The following TRNAU1AP variants were observed in gnomAD, a reference collection of about 807,000 sequenced individuals.
TRNAU1AP encodes the protein tRNA selenocysteine 1-associated protein 1.
TRNAU1AP carries 33 observed loss-of-function variants against 43.3 expected under a neutral mutation model. That is an observed-to-expected ratio of 0.76 (90% CI 0.58 to 1.02). The LOEUF (loss-of-function observed/expected upper bound fraction) is 1.02. Among genes scored for constraint, TRNAU1AP ranks in the 50% least tolerant of loss-of-function variants. TRNAU1AP has a pLI of 0.00. For synonymous variants in TRNAU1AP, 143 were observed against 129.1 expected (o/e 1.11, Z -0.73); for missense variants, 290 against 362.7 (o/e 0.80, Z 1.63).
At position 28,578,298 on chromosome 1, in the gene TRNAU1AP, G is replaced by A. The variant is rs1285106489; in HGVS notation, c.*662G>A. Reference sequence around the variant, plus strand: ...TTAAGGAAGATAGCTCAAAGCCAAAGCAGACCCTCCGTGTGAACTTTATAC... The same window carrying A: ...TTAAGGAAGATAGCTCAAAGCCAAAACAGACCCTCCGTGTGAACTTTATAC... On this transcript the variant is annotated 3_prime_UTR_variant, in exon 9 of 9. Coordinates refer to ENST00000373830, the MANE Select transcript of TRNAU1AP (RefSeq NM_017846.5). 2 of 164,682 alleles carry A rather than the reference G, an allele frequency of 1.2e-5. No individual in the cohort carries two copies. Among genetic ancestry groups the A allele is most frequent in the Admixed American group, 5.7e-5 (1 of 17,460 alleles). The allele number at this position is 164,682 out of a possible 1,614,324, so 10.2% of individuals were successfully genotyped here.
In TRNAU1AP at chr1:28,564,680, ATCT is replaced by A; in HGVS notation, c.279-18_279-16del. On this transcript the variant is annotated intron_variant, in intron 4 of 8. Coordinates refer to ENST00000373830, the MANE Select transcript of TRNAU1AP (RefSeq NM_017846.5). ...CAGAGGTTTTGGTCTTTGCCTCTGA[ATCT>A]TCTTGTTCTCTCTCCTCAGCCCTGA... 7 of 1,602,198 alleles carry A rather than the reference ATCT, an allele frequency of 4.4e-6. No individual in the cohort carries two copies. Among genetic ancestry groups the A allele is most frequent in the East Asian group, 4.5e-5 (2 of 44,526 alleles).
Position 28,570,926 on chromosome 1 carries a change from G to A in TRNAU1AP, c.531-250G>A, listed in dbSNP as rs548944865. 4.6e-5 allele frequency among the ~76,000 whole-genome samples: 7 copies of A among 152,062 alleles called. No homozygotes were observed. In the South Asian group the frequency reaches 6.2e-4, roughly 14 times the overall value. ...TGAAAATACAAAAAATTAGCCAGGC[G>A]TGGTGGCACACACCTGTAGTCCCAG... On this transcript the variant is annotated intron_variant, in intron 6 of 8. Transcript: ENST00000373830.
chr1:28,576,475 C>T (rs548674979), intron 8 of TRNAU1AP, among the ~76,000 whole-genome samples: 4 of 147,930 alleles, frequency 2.7e-5, no homozygotes, highest in Admixed American at 6.8e-5. Flanking sequence ...CCTGCCACCA[C>T]GCCCAGCTAA....
intron 2 of TRNAU1AP, among the ~76,000 whole-genome samples, chr1:28,557,938 C>A (rs1334731910): frequency 6.6e-6 from 1 of 150,936 alleles, no homozygotes; most frequent in Non-Finnish European, 1.5e-5. Flanking sequence ...CTCTGTCGCC[C>A]AGGCTGGAGT....
intron 5 of TRNAU1AP, 186 bp downstream of exon 5, chr1:28,565,020 T>G: frequency 1.5e-6 from 1 of 662,548 alleles, no homozygotes; most frequent in Non-Finnish European, 2.6e-6. Context: ...GAATTGAAGC[T>G]CTGTGACCCT....
chr1:28,556,055 A>G (rs564569175), intron 2 of TRNAU1AP, among the ~76,000 whole-genome samples: 5 of 152,100 alleles, frequency 3.3e-5, no homozygotes, highest in African/African-American at 1.2e-4. Flanking sequence ...GGGTTTCACC[A>G]TGTTAGCCAG....
intron 2 of TRNAU1AP, among the ~76,000 whole-genome samples, chr1:28,559,672 A>G (rs80185835): frequency 6.6e-6 from 1 of 152,104 alleles, no homozygotes; most frequent in African/African-American, 2.4e-5. Flanking sequence ...GAAAAAAAAA[A>G]CAGATCATAC....
Position 28,571,242 on chromosome 1 carries a change from G to C in TRNAU1AP, c.597G>C (p.Gln199His). 2 of 1,614,026 alleles carry C rather than the reference G, an allele frequency of 1.2e-6. No individual in the cohort carries two copies. The highest frequency in any genetic ancestry group is 8.5e-7 in the Non-Finnish European group (1 of 1,179,922). ...ATAGCTACAACCAGTATTATCAGCA[G>C]TACCAGAACTACTATGCTCAGTGGG... ...YSYSYNQYYQ[Q>H]YQNYYAQWGY... The change falls in exon 7 of 9, where the codon CAG becomes CAC. Residue 199 changes from glutamine to histidine, a missense_variant. By Grantham distance (24) the Gln-to-His change is conservative. Coordinates refer to ENST00000373830, the MANE Select transcript of TRNAU1AP (RefSeq NM_017846.5).
Position 28,577,896 on chromosome 1 carries a change from T to C in TRNAU1AP, c.*260T>C, listed in dbSNP as rs1471712363. On this transcript the variant is annotated 3_prime_UTR_variant, in exon 9 of 9. Transcript: ENST00000373830. ...CAGGTAGTTATCCACATAGGACAGT[T>C]TGGGATTATCCAAAACTGGGATGAG... The C allele has an allele frequency of 2.8e-6, 1 of 354,128 alleles. No homozygotes were observed. The highest frequency in any genetic ancestry group is 5.2e-6 in the Non-Finnish European group (1 of 193,820). The allele number at this position is 354,128 out of a possible 1,614,324, so 21.9% of individuals were successfully genotyped here. A position where few individuals can be genotyped will look rare whatever the true frequency, so the allele number is the denominator to read the frequency against.
At chr1:28,559,458 A>G (rs1665355970) in intron 2 of TRNAU1AP, among the ~76,000 whole-genome samples, 1 of 151,960 alleles carries the variant, frequency 6.6e-6, no homozygotes, top group African/African-American at 2.4e-5. Context: ...GAGAAACCCC[A>G]TCTCTACTGA....
intron 6 of TRNAU1AP, among the ~76,000 whole-genome samples, chr1:28,567,886 G>A (rs991333840): frequency 2.0e-5 from 3 of 152,156 alleles, no homozygotes; most frequent in South Asian, 2.1e-4. Flanking sequence ...ACACTTGGCC[G>A]GGCGCAGTGG....
intron 8 of TRNAU1AP, among the ~76,000 whole-genome samples, chr1:28,575,410 C>T (rs2124220133): frequency 6.6e-6 from 1 of 151,780 alleles, no homozygotes; most frequent in African/African-American, 2.4e-5. Context: ...GCCTCTGCCT[C>T]CCAATGCTGG....
chr1:28,564,840 G>A lies in TRNAU1AP; in HGVS notation c.410+6G>A. The A allele has an allele frequency of 1.9e-6, 3 of 1,613,934 alleles. No homozygotes were observed. Among genetic ancestry groups the A allele is most frequent in the East Asian group, 2.2e-5 (1 of 44,866 alleles). ...GACCAGACAGGCGTGTCTAAGTAAG[G>A]CCTTACTTGTTACTGATGCTTAACT... On this transcript the variant is annotated splice_donor_region_variant and intron_variant, in intron 5 of 8. Transcript: ENST00000373830.
intron 1 of TRNAU1AP, 55 bp downstream of exon 1, chr1:28,553,192 G>T: frequency 6.9e-7 from 1 of 1,445,998 alleles, no homozygotes; most frequent in East Asian, 2.8e-5. Context: ...TCGGTTTCGC[G>T]AGAGAGGAAG....
intron 2 of TRNAU1AP, among the ~76,000 whole-genome samples, chr1:28,559,747 G>A (rs1217781534): frequency 6.6e-6 from 1 of 152,130 alleles, no homozygotes; most frequent in African/African-American, 2.4e-5. Flanking sequence ...TCCTGGAACT[G>A]GTTATTAGAT....
chr1:28,571,718 T>G (rs2124213166), intron 7 of TRNAU1AP, 149 bp from the exon 8 acceptor site: 1 of 606,500 alleles, frequency 1.6e-6, no homozygotes, highest in Non-Finnish European at 2.9e-6. Flanking sequence ...GGGATGCGGG[T>G]GTTGCAGTGA....
rs1165975961 is a variant in TRNAU1AP, at chr1:28,561,415, G to T, written c.278+17G>T. 7.4e-6 allele frequency: 12 copies of T among 1,613,814 alleles called. No individual in the cohort carries two copies. Among genetic ancestry groups the T allele is most frequent in the Non-Finnish European group, 1.0e-5 (12 of 1,179,864 alleles). ...AGATAACAGGTAGGTACAAAGTCAT[G>T]TCTAGACAGACATAAGATGTGTCAC... On this transcript the variant is annotated intron_variant, in intron 4 of 8. Coordinates refer to ENST00000373830, the MANE Select transcript of TRNAU1AP (RefSeq NM_017846.5).
rs1665856560 is a variant in TRNAU1AP at position 28,578,292 on chromosome 1, G to A, written c.*656G>A. 6.1e-6 allele frequency: 1 copy of A among 164,622 alleles called. No individual in the cohort carries two copies. Among genetic ancestry groups the A allele is most frequent in the Admixed American group, 5.7e-5 (1 of 17,426 alleles). The allele number at this position is 164,622 out of a possible 1,614,324, so 10.2% of individuals were successfully genotyped here. ...AAAGGATTAAGGAAGATAGCTCAAAGCCAAAGCAGACCCTCCGTGTGAACT... is the reference window on the plus strand; with the variant it reads ...AAAGGATTAAGGAAGATAGCTCAAAACCAAAGCAGACCCTCCGTGTGAACT... On this transcript the variant is annotated 3_prime_UTR_variant, in exon 9 of 9. Transcript: ENST00000373830.
In TRNAU1AP at chr1:28,560,627, T is replaced by C; in HGVS notation, c.126-6T>C. 6.2e-7 allele frequency: 1 copy of C among 1,613,062 alleles called. No homozygotes were observed. Among genetic ancestry groups the C allele is most frequent in the Admixed American group, 1.7e-5 (1 of 59,854 alleles). On this transcript the variant is annotated splice_region_variant and splice_polypyrimidine_tract_variant and intron_variant, in intron 2 of 8. Transcript: ENST00000373830. ...CATTTTCTTTCTCTATTTGCTTTTT[T>C]TCCAGGATCCCAGCTGGCTACTGCT...
Sources: allele counts gnomAD v4.1 joint callset (sites outside exome capture counted in the v4.1 genomes callset), GRCh38; gene constraint gnomAD v4.1.1; transcripts MANE v1.5; gene names NCBI Gene and HGNC (gene_info 2026-07-23, HGNC 2026-07-21).